Variants in SH3KBP1 observed in about 807,000 individuals in gnomAD.
SH3KBP1 encodes the protein SH3 domain containing kinase binding protein 1, also known as SH3 domain-containing kinase-binding protein 1.
SH3KBP1 carries 8 observed loss-of-function variants against 50.1 expected under a neutral mutation model. The ratio of observed to expected loss-of-function variants is 0.16; its 90% CI spans 0.09 to 0.29. The LOEUF is 0.29. SH3KBP1 is among the 10% of genes least tolerant of loss of function. The pLI, the probability that SH3KBP1 is intolerant of heterozygous loss-of-function variation, is 1.00. For synonymous variants in SH3KBP1, 227 were observed against 218.6 expected (o/e 1.04, Z -0.34); for missense variants, 377 against 535.2 (o/e 0.70, Z 2.92).
In SH3KBP1 at chrX:19,545,904, C is replaced by T. The variant is rs1333481451; in HGVS notation, c.1623+18G>A. 5.0e-6 allele frequency: 6 copies of T among 1,208,511 alleles called. No homozygotes were observed. The highest frequency in any genetic ancestry group is 3.5e-5 in the South Asian group (2 of 56,742). On this transcript the variant is annotated intron_variant, in intron 15 of 17. Coordinates refer to ENST00000397821, the MANE Select transcript of SH3KBP1 (RefSeq NM_031892.3). ...GCATGAAATGACAGGGACACCCTCG[C>T]CATGGCTGGTGACTCACTTGGGATA...
chrX:19,803,063 G>A (rs1026583991), intron 2 of SH3KBP1, among the ~76,000 whole-genome samples: 2 of 110,944 alleles, frequency 1.8e-5, no homozygotes, highest in Non-Finnish European at 3.8e-5. Context: ...GCTTGCACTG[G>A]CAGCTTCCAC....
At chrX:19,794,411 A>G (rs755717231) in intron 2 of SH3KBP1, among the ~76,000 whole-genome samples, 8 of 110,575 alleles carry the variant, frequency 7.2e-5, no homozygotes, top group African/African-American at 2.3e-4. Context: ...CAATAAATAG[A>G]TAAATAAATA....
At chrX:19,753,132 T>C (rs1455282149) in intron 2 of SH3KBP1, among the ~76,000 whole-genome samples, 1 of 112,112 alleles carries the variant, frequency 8.9e-6, no homozygotes, top group Admixed American at 9.4e-5. Context: ...CCCAGAATGC[T>C]GGTCCTGGTA....
intron 1 of SH3KBP1, among the ~76,000 whole-genome samples, chrX:19,862,644 T>C (rs1226489884): frequency 4.1e-4 from 43 of 104,660 alleles, no homozygotes; most frequent in Non-Finnish European, 2.1e-4. Flanking sequence ...GCCAAGTTAG[T>C]GTGAGTTTAT....
chrX:19,726,248 G>A (rs980746267), intron 3 of SH3KBP1, among the ~76,000 whole-genome samples: 20 of 111,529 alleles, frequency 1.8e-4, no homozygotes, highest in Non-Finnish European at 3.6e-4. Flanking sequence ...TGGCAGAGGC[G>A]GCATGGAGGA....
At chrX:19,621,063 TC>T (rs2067805422) in intron 8 of SH3KBP1, among the ~76,000 whole-genome samples, 1 of 102,231 alleles carries the variant, frequency 9.8e-6, no homozygotes, top group Non-Finnish European at 2.0e-5. Flanking sequence ...CAATACCATT[TC>T]TTTTCTTTCT....
At chrX:19,879,937 C>CG (rs776206922) in intron 1 of SH3KBP1, among the ~76,000 whole-genome samples, 4 of 112,292 alleles carry the variant, frequency 3.6e-5, no homozygotes, top group African/African-American at 6.5e-5. Context: ...TGTGGTGGTG[C>CG]GGGGGGCGGC....
chrX:19,541,877 G>A (rs2064915410), intron 16 of SH3KBP1, 48 bp downstream of exon 16: 2 of 1,167,750 alleles, frequency 1.7e-6, no homozygotes, highest in Admixed American at 2.3e-5. Flanking sequence ...TGCTGGCCTG[G>A]CAGAGAGCAA....
intron 1 of SH3KBP1, among the ~76,000 whole-genome samples, chrX:19,881,159 G>C (rs999918485): frequency 7.1e-5 from 8 of 112,102 alleles, no homozygotes; most frequent in African/African-American, 2.6e-4. Flanking sequence ...AAGTCTCAGA[G>C]ACCTGAATGA....
intron 16 of SH3KBP1, among the ~76,000 whole-genome samples, chrX:19,541,369 A>T (rs1943519204): frequency 8.9e-6 from 1 of 111,799 alleles, no homozygotes; most frequent in South Asian, 3.7e-4. Context: ...GCAGCCATGC[A>T]GGAAGAAAGA....
chrX:19,543,577 ACT>A (rs985743227), intron 15 of SH3KBP1, among the ~76,000 whole-genome samples: 2 of 110,750 alleles, frequency 1.8e-5, no homozygotes, highest in African/African-American at 6.6e-5. Context: ...AAAGTTTAGG[ACT>A]CTCTTTCCAG....
intron 1 of SH3KBP1, among the ~76,000 whole-genome samples, chrX:19,841,370 A>T (rs2068213880): frequency 1.8e-5 from 2 of 112,417 alleles, no homozygotes; most frequent in Non-Finnish European, 3.8e-5. Context: ...TGCTTCAATA[A>T]ATATTTGAAT....
At chrX:19,801,653 G>A (rs1191358425) in intron 2 of SH3KBP1, among the ~76,000 whole-genome samples, 1 of 111,982 alleles carries the variant, frequency 8.9e-6, no homozygotes, top group East Asian at 2.8e-4. Flanking sequence ...TTTTGGGGGT[G>A]ATGGAAATGT....
At chrX:19,690,058 CTCT>C (rs201622358) in intron 5 of SH3KBP1, among the ~76,000 whole-genome samples, 2,231 of 97,525 alleles carry the variant, frequency 0.023, 60 homozygotes, top group African/African-American at 0.088. Context: ...CTCTCTCTCT[CTCT>C]TTTTTTTTTT....
At chrX:19,839,188 C>G (rs1227458339) in intron 1 of SH3KBP1, among the ~76,000 whole-genome samples, 1 of 110,242 alleles carries the variant, frequency 9.1e-6, no homozygotes, top group Non-Finnish European at 1.9e-5. Flanking sequence ...TAAAGTCATA[C>G]AATACTCAAT....
chrX:19,877,981 T>C (rs933158350), intron 1 of SH3KBP1, among the ~76,000 whole-genome samples: 1 of 111,965 alleles, frequency 8.9e-6, no homozygotes, highest in African/African-American at 3.3e-5. Context: ...AGTATTCCGT[T>C]AGGACAAGTA....
At chrX:19,863,799 A>T (rs1362493197) in intron 1 of SH3KBP1, among the ~76,000 whole-genome samples, 1 of 112,061 alleles carries the variant, frequency 8.9e-6, no homozygotes, top group Non-Finnish European at 1.9e-5. Context: ...TCCAAAAAGT[A>T]AGCAAATAAA....
rs759196528 is a variant in SH3KBP1, at chrX:19,542,021, A to G, written c.1796T>C (p.Met599Thr). Reference sequence around the variant, plus strand: ...CGCCTGGCTGCTGGCCGCAGGCTCCATCTTTGGTTTTCCTTCCGTGCCGAA... The same window carrying G: ...CGCCTGGCTGCTGGCCGCAGGCTCCGTCTTTGGTTTTCCTTCCGTGCCGAA... ...SLFGTEGKPK[M>T]EPAASSQAAV... is the part of the protein sequence containing the mutation. Residue 599 changes from methionine to threonine, a missense_variant, in exon 16 of 18, where the codon ATG (methionine) becomes ACG (threonine). Physicochemically the swap from Met to Thr is moderately conservative, Grantham distance 81. Coordinates refer to ENST00000397821, the MANE Select transcript of SH3KBP1 (RefSeq NM_031892.3). The G allele has an allele frequency of 1.1e-5, 13 of 1,210,002 alleles. No individual in the cohort carries two copies. Among genetic ancestry groups the G allele is most frequent in the Middle Eastern group, 2.3e-4 (1 of 4,376 alleles).
At position 19,720,276 on chromosome X, in the gene SH3KBP1, C is replaced by G. The variant is rs181070998; in HGVS notation, c.287-13292G>C. Among the ~76,000 whole-genome samples, 556 of 110,819 alleles carry G rather than the reference C, an allele frequency of 5.0e-3. 1 individual carries two copies. The highest frequency in any genetic ancestry group is 8.4e-3 in the Non-Finnish European group (446 of 52,855). ...CAGCACAACCCTCAATCCAAATAAC[C>G]CAACCTCAGCAGGCCATACCAGGGA... On this transcript the variant is annotated intron_variant, in intron 3 of 17. Coordinates refer to ENST00000397821, the MANE Select transcript of SH3KBP1 (RefSeq NM_031892.3).
Sources: gnomAD v4.1 joint callset for allele counts (sites outside exome capture counted in the v4.1 genomes callset) on GRCh38, gnomAD v4.1.1 for gene constraint, MANE v1.5 for transcripts, NCBI Gene and HGNC (gene_info 2026-07-23, HGNC 2026-07-21) for gene names.